Variants in TNFRSF10C observed in about 807,000 individuals in gnomAD.
TNFRSF10C encodes the protein TNF receptor superfamily member 10c.
TNFRSF10C carries 17 observed loss-of-function variants against 16.7 expected under a neutral mutation model. That is an observed-to-expected ratio of 1.02 (90% CI 0.70 to 1.53). The LOEUF (loss-of-function observed/expected upper bound fraction) is 1.53. TNFRSF10C is among the 40% of genes most tolerant of loss of function. The pLI is 0.00. For synonymous variants in TNFRSF10C, 73 were observed against 119.7 expected (o/e 0.61, Z 2.55); for missense variants, 237 against 329.7 (o/e 0.72, Z 2.18).
chr8:23,109,608 G>T (rs1392468791), intron 1 of TNFRSF10C, among the ~76,000 whole-genome samples: 2 of 150,576 alleles, frequency 1.3e-5, no homozygotes, highest in Admixed American at 1.3e-4. Flanking sequence ...CTGCACTCCG[G>T]CCTGGGAGAC....
intron 1 of TNFRSF10C, among the ~76,000 whole-genome samples, chr8:23,110,564 G>T (rs776248161): frequency 6.6e-6 from 1 of 152,072 alleles, no homozygotes; most frequent in Non-Finnish European, 1.5e-5. Context: ...CTATCTATCC[G>T]CACTCTATTC....
chr8:23,117,177 T>A lies in TNFRSF10C; in HGVS notation c.*146T>A. On this transcript the variant is annotated 3_prime_UTR_variant, in exon 5 of 5. Coordinates refer to ENST00000356864, the MANE Select transcript of TNFRSF10C (RefSeq NM_003841.5). ...AAACGCCTGCCCCTGCCCCAAGTCC[T>A]GGTGTCTCCAGCCTGGCTCTATCTT... is the stretch of plus-strand genomic sequence containing the variant. 8.0e-6 allele frequency: 10 copies of A among 1,248,930 alleles called. No homozygotes were observed. Among genetic ancestry groups the A allele is most frequent in the Non-Finnish European group, 1.1e-5 (10 of 906,396 alleles). The allele number at this position is 1,248,930 out of a possible 1,614,324, so 77.4% of individuals were successfully genotyped here.
chr8:23,102,935 G>GT lies in TNFRSF10C; in HGVS notation c.-187_-186insT. 6.7e-7 allele frequency: 1 copy of GT among 1,486,160 alleles called. No individual in the cohort carries two copies. The highest frequency in any genetic ancestry group is 9.0e-7 in the Non-Finnish European group (1 of 1,112,220). 92.1% of individuals were successfully genotyped at this position (1,486,160 alleles called of 1,614,324 possible). The stretch of plus-strand genomic sequence containing the variant: ...GCTCCGATTCTGGCAGTGCAGCTGT[G>GT]GGAACCTCTCCACGCGCACGAACTC... On this transcript the variant is annotated 5_prime_UTR_variant, in exon 1 of 5. Transcript: ENST00000356864.
At chr8:23,104,873 T>G (rs1813747256) in intron 1 of TNFRSF10C, among the ~76,000 whole-genome samples, 2 of 152,226 alleles carry the variant, frequency 1.3e-5, no homozygotes, top group Admixed American at 6.5e-5. Flanking sequence ...AATTCTGAGC[T>G]GTGCACTTGG....
rs943517397 is a variant in TNFRSF10C at position 23,115,553 on chromosome 8, G to C, written c.326G>C (p.Cys109Ser). 3 of 1,613,448 alleles carry C rather than the reference G, an allele frequency of 1.9e-6. No individual in the cohort carries two copies. Among genetic ancestry groups the C allele is most frequent in the Admixed American group, 3.3e-5 (2 of 59,928 alleles). Residue 109 changes from cysteine (C) to serine (S), a missense_variant, in exon 4 of 5, where the codon TGT becomes TCT. By Grantham distance (112) the Cys-to-Ser change is moderately radical (BLOSUM62 -1). Transcript: ENST00000356864. ...SSCTMTRDTV[C>S]QCKEGTFRNE... Reference sequence around the variant, plus strand: ...TGCACCATGACCAGAGACACAGTGTGTCAGTGTAAAGAAGGCACCTTCCGG... The same window carrying C: ...TGCACCATGACCAGAGACACAGTGTCTCAGTGTAAAGAAGGCACCTTCCGG...
intron 4 of TNFRSF10C, 78 bp downstream of exon 4, chr8:23,115,694 C>T (rs1813968235): frequency 8.2e-6 from 10 of 1,220,858 alleles, no homozygotes; most frequent in South Asian, 2.6e-5. Flanking sequence ...CCTATTTCTC[C>T]GCTGACCCTA....
At chr8:23,116,135 G>A (rs532542707) in intron 4 of TNFRSF10C, among the ~76,000 whole-genome samples, 135 of 152,122 alleles carry the variant, frequency 8.9e-4, no homozygotes, top group African/African-American at 2.9e-3. Flanking sequence ...CAATCCAGCC[G>A]GCCTCACCCC....
intron 1 of TNFRSF10C, among the ~76,000 whole-genome samples, chr8:23,109,788 G>A (rs1813845976): frequency 6.6e-6 from 1 of 152,062 alleles, no homozygotes; most frequent in South Asian, 2.1e-4. Context: ...AAAACCAACT[G>A]TGTGCGGTGG....
chr8:23,113,279 C>T (rs1813913785), intron 2 of TNFRSF10C, among the ~76,000 whole-genome samples: 1 of 152,080 alleles, frequency 6.6e-6, no homozygotes, highest in South Asian at 2.1e-4. Context: ...TTTCCTTTGT[C>T]ATGCAGAACC....
At chr8:23,108,354 T>C (rs987121078) in intron 1 of TNFRSF10C, among the ~76,000 whole-genome samples, 2 of 152,230 alleles carry the variant, frequency 1.3e-5, no homozygotes, top group Non-Finnish European at 2.9e-5. Flanking sequence ...GGGAAGCTGC[T>C]GATCAGTTTC....
chr8:23,112,220 T>G (rs1813892661), intron 2 of TNFRSF10C, among the ~76,000 whole-genome samples: 1 of 152,236 alleles, frequency 6.6e-6, no homozygotes, highest in Non-Finnish European at 1.5e-5. Context: ...TCTATTGCAT[T>G]AGGTATTACA....
intron 1 of TNFRSF10C, among the ~76,000 whole-genome samples, chr8:23,104,509 G>A (rs546385508): frequency 2.0e-5 from 3 of 152,118 alleles, no homozygotes; most frequent in Admixed American, 6.5e-5. Context: ...TGTATGTATC[G>A]TGTGTCCACA....
intron 3 of TNFRSF10C, 65 bp from the exon 4 acceptor site, chr8:23,115,443 T>A (rs1171569475): frequency 7.2e-7 from 1 of 1,389,500 alleles, no homozygotes; most frequent in Non-Finnish European, 1.0e-6. Flanking sequence ...AGGGGGTGGG[T>A]GGTAAGGAAG....
At chr8:23,110,773 C>A (rs1367923321) in intron 1 of TNFRSF10C, among the ~76,000 whole-genome samples, 1 of 152,034 alleles carries the variant, frequency 6.6e-6, no homozygotes, top group Non-Finnish European at 1.5e-5. Flanking sequence ...TATATTATAA[C>A]CTTCATTTGT....
intron 1 of TNFRSF10C, among the ~76,000 whole-genome samples, chr8:23,111,359 G>T (rs1291103561): frequency 6.6e-6 from 1 of 151,980 alleles, no homozygotes; most frequent in Non-Finnish European, 1.5e-5. Flanking sequence ...TGGGATTACA[G>T]GTGTGTGCCA....
rs572007407 is a variant in TNFRSF10C, at chr8:23,105,816, A to G, written c.60+2635A>G. Among the ~76,000 whole-genome samples, 3 of 152,332 alleles carry G rather than the reference A, an allele frequency of 2.0e-5. No individual in the cohort carries two copies. In the East Asian group the frequency reaches 5.8e-4, roughly 29 times the overall value. On this transcript the variant is annotated intron_variant, in intron 1 of 4. Coordinates refer to ENST00000356864, the MANE Select transcript of TNFRSF10C (RefSeq NM_003841.5). ...CAGCTGGTATCCTGCTTCCAGCCAG[A>G]GAATGCACATCTTCATGTAGTGGAT... is the stretch of plus-strand genomic sequence containing the variant.
At chr8:23,105,723 G>A (rs1241619165) in intron 1 of TNFRSF10C, among the ~76,000 whole-genome samples, 1 of 152,192 alleles carries the variant, frequency 6.6e-6, no homozygotes, top group Non-Finnish European at 1.5e-5. Context: ...GGGCAGTGAG[G>A]CTCTAGCTTC....
chr8:23,103,918 T>C (rs1248350552), intron 1 of TNFRSF10C, among the ~76,000 whole-genome samples: 1 of 151,908 alleles, frequency 6.6e-6, no homozygotes, highest in Non-Finnish European at 1.5e-5. Flanking sequence ...CAGCCCTTTT[T>C]AAGATTCTTT....
intron 1 of TNFRSF10C, among the ~76,000 whole-genome samples, chr8:23,110,760 A>T (rs1346475140): frequency 6.6e-6 from 1 of 152,158 alleles, no homozygotes; most frequent in African/African-American, 2.4e-5. Flanking sequence ...CTGTAAGGTT[A>T]TATATATTAT....
Sources: allele counts gnomAD v4.1 joint callset (sites outside exome capture counted in the v4.1 genomes callset), GRCh38; gene constraint gnomAD v4.1.1; transcripts MANE v1.5; gene names NCBI Gene and HGNC (gene_info 2026-07-23, HGNC 2026-07-21).